KBTBD8: variants seen among roughly 807,000 people sequenced by gnomAD.
The protein encoded by KBTBD8 is kelch repeat and BTB domain-containing protein 8.
A neutral mutation model predicts 53.5 loss-of-function variants in KBTBD8; 31 were observed. The ratio of observed to expected loss-of-function variants is 0.58; its 90% confidence interval spans 0.44 to 0.78. KBTBD8 has a LOEUF of 0.78. Ranked by LOEUF, KBTBD8 falls within the 30% of genes least tolerant of loss-of-function variation. KBTBD8 has a pLI of 0.00. For synonymous variants in KBTBD8, 250 were observed against 247.3 expected (o/e 1.01, Z -0.10); for missense variants, 642 against 735.8 (o/e 0.87, Z 1.48).
rs984356759 is a variant in KBTBD8 at position 66,998,964 on chromosome 3, G to A, written c.17-17G>A. 2 of 1,566,714 alleles carry A rather than the reference G, an allele frequency of 1.3e-6. No homozygotes were observed. The highest frequency in any genetic ancestry group is 1.7e-6 in the Non-Finnish European group (2 of 1,152,948). On this transcript the variant is annotated splice_polypyrimidine_tract_variant and intron_variant, in intron 1 of 3. Coordinates refer to ENST00000417314, the MANE Select transcript of KBTBD8 (RefSeq NM_032505.3). ...GGCTCGGCACTTCTTGTAGTTGTAC[G>A]ATTTTTCTCCTCCTAGATTTAAGTA...
rs1311207317 is a variant in KBTBD8, at chr3:67,008,383, T to C, written c.1804T>C (p.Ter602GlnextTer6). 3.0e-5 allele frequency: 48 copies of C among 1,595,956 alleles called. No homozygotes were observed. Among genetic ancestry groups the C allele is most frequent in the Non-Finnish European group, 4.1e-5 (48 of 1,166,376 alleles). The change falls in exon 4 of 4, where the codon TAA becomes CAA. Residue 602 changes from the stop codon to glutamine, a stop_lost. Transcript: ENST00000417314. ...TCCTCAGTGTCTTCAGAAAGTACTC[T>C]AAATGAGTAGCAGGCCTTAGTGCAT... ...LYPQCLQKVL[*>Q] is the part of the protein sequence containing the mutation.
At chr3:67,000,865 C>A (rs935329895) in intron 2 of KBTBD8, among the ~76,000 whole-genome samples, 3 of 151,590 alleles carry the variant, frequency 2.0e-5, no homozygotes, top group Non-Finnish European at 4.4e-5. Flanking sequence ...AGTAAGCATA[C>A]ATAATAAATA....
chr3:67,001,433 T>C (rs1004011501), intron 2 of KBTBD8, among the ~76,000 whole-genome samples: 6 of 152,180 alleles, frequency 3.9e-5, no homozygotes, highest in African/African-American at 1.4e-4. Flanking sequence ...CCTGGCTTCA[T>C]TTATGTTGAG....
Position 67,004,057 on chromosome 3 carries a change from G to C in KBTBD8, c.1090G>C (p.Asp364His), listed in dbSNP as rs1350174861. 3 of 1,614,040 alleles carry C rather than the reference G, an allele frequency of 1.9e-6. No individual in the cohort carries two copies. Among genetic ancestry groups the C allele is most frequent in the Non-Finnish European group, 2.5e-6 (3 of 1,180,042 alleles). The change falls in exon 3 of 4, where the codon GAT (aspartate) becomes CAT (histidine). Residue 364 changes from aspartate to histidine, a missense_variant. Coordinates refer to ENST00000417314, the MANE Select transcript of KBTBD8 (RefSeq NM_032505.3). The stretch of plus-strand genomic sequence containing the variant: ...GGCAGAAAATGATTTCTGGATGTAT[G>C]ATCATTCCACCAATAGATGGCTATC... Reference protein sequence around the residue: ...HKAENDFWMYDHSTNRWLSKP... With the variant: ...HKAENDFWMYHHSTNRWLSKP...
intron 2 of KBTBD8, among the ~76,000 whole-genome samples, chr3:67,000,818 G>A (rs1702010435): frequency 6.6e-6 from 1 of 151,856 alleles, no homozygotes; most frequent in Non-Finnish European, 1.5e-5. Context: ...TCATACTTAT[G>A]TATGCTTACT....
In KBTBD8 at chr3:67,000,296, GA is replaced by G. The variant is rs973777125; in HGVS notation, c.227+1114del. Among the ~76,000 whole-genome samples the G allele has an allele frequency of 4.6e-5, 7 of 151,048 alleles. No individual in the cohort carries two copies. The East Asian group carries it at 7.7e-4, about 17-fold the overall frequency. ...TCATCGCAAGACAGTGAGCTGGAAA[GA>G]AAAAAAAACTCACATATGCAGAAGG... On this transcript the variant is annotated intron_variant, in intron 2 of 3. Transcript: ENST00000417314.
intron 2 of KBTBD8, among the ~76,000 whole-genome samples, chr3:66,999,601 C>T (rs1038116765): frequency 3.9e-5 from 6 of 152,218 alleles, no homozygotes; most frequent in Non-Finnish European, 8.8e-5. Flanking sequence ...CCATATTGGG[C>T]AGCACAGAAA....
rs1350080664 is a variant in KBTBD8 at position 67,003,336 on chromosome 3, G to A, written c.369G>A (p.Leu123=). The change falls in exon 3 of 4, where the codon TTG becomes TTA. Residue 123 remains leucine (L), a synonymous_variant. Transcript: ENST00000417314. ...TTACAGAGGCCAATGTTCAAGCCTTGTTCACTGCAGCTAGCATCTTCCAGA... is the reference window on the plus strand; with the variant it reads ...TTACAGAGGCCAATGTTCAAGCCTTATTCACTGCAGCTAGCATCTTCCAGA... ...VILTEANVQA[L]FTAASIFQIP... 1.2e-6 allele frequency: 2 copies of A among 1,614,188 alleles called. No individual in the cohort carries two copies. Among genetic ancestry groups the A allele is most frequent in the Admixed American group, 1.7e-5 (1 of 60,020 alleles).
Position 67,010,387 on chromosome 3 carries a change from A to C in KBTBD8, c.*2002A>C, listed in dbSNP as rs1702107031. ...AAAATGTATTACTTGAAAACATGAC[A>C]TAGAACATTGAGTTAGCAATTTACA... On this transcript the variant is annotated 3_prime_UTR_variant, in exon 4 of 4. Transcript: ENST00000417314. 6.6e-6 allele frequency: 1 copy of C among 152,614 alleles called. No individual in the cohort carries two copies. Among genetic ancestry groups the C allele is most frequent in the African/African-American group, 2.4e-5 (1 of 41,464 alleles). The allele number at this position is 152,614 out of a possible 1,614,324, so 9.5% of individuals were successfully genotyped here. A position where few individuals can be genotyped will look rare whatever the true frequency, so the allele number is the denominator to read the frequency against.
intron 3 of KBTBD8, among the ~76,000 whole-genome samples, chr3:67,005,595 A>G (rs1287592894): frequency 2.0e-5 from 3 of 152,060 alleles, no homozygotes; most frequent in Non-Finnish European, 4.4e-5. Context: ...TAATTGATGC[A>G]TGACTGCCCT....
At chr3:67,001,944 G>A (rs1484959484) in intron 2 of KBTBD8, among the ~76,000 whole-genome samples, 1 of 152,128 alleles carries the variant, frequency 6.6e-6, no homozygotes, top group African/African-American at 2.4e-5. Flanking sequence ...AAACTTTAAA[G>A]GAGCGAAAAG....
In KBTBD8 at chr3:66,998,333, T is replaced by C. The variant is rs1280907414; in HGVS notation, c.-23T>C. ...AAATGACATTTCCTTTTTAAATAGC[T>C]GGAGTCGGGGCCCCATCGAGAAATG... On this transcript the variant is annotated 5_prime_UTR_variant, in exon 1 of 4. Transcript: ENST00000417314. 1.5e-6 allele frequency: 2 copies of C among 1,290,398 alleles called. No homozygotes were observed. The highest frequency in any genetic ancestry group is 2.0e-6 in the Non-Finnish European group (2 of 1,011,682). The allele number at this position is 1,290,398 out of a possible 1,614,324, so 79.9% of individuals were successfully genotyped here. A position where few individuals can be genotyped will look rare whatever the true frequency, so the allele number is the denominator to read the frequency against.
rs746510940 is a variant in KBTBD8, at chr3:67,004,290, G to C, written c.1323G>C (p.Glu441Asp). 1.2e-6 allele frequency: 2 copies of C among 1,613,754 alleles called. No homozygotes were observed. Among genetic ancestry groups the C allele is most frequent in the South Asian group, 2.2e-5 (2 of 91,090 alleles). ...TTCATAATGCTGTGGAGTACAAAGA[G>C]AAGATCTATGTTTTACAGGGTAGGT... ...MEFHNAVEYK[E>D]KIYVLQGEFF... Residue 441 changes from glutamate to aspartate, a missense_variant, in exon 3 of 4, where the codon GAG (glutamate) becomes GAC (aspartate). Glu to Asp is a conservative substitution (Grantham distance 45). Coordinates refer to ENST00000417314, the MANE Select transcript of KBTBD8 (RefSeq NM_032505.3).
chr3:67,000,948 A>C (rs1051649691), intron 2 of KBTBD8, among the ~76,000 whole-genome samples: 1 of 152,054 alleles, frequency 6.6e-6, no homozygotes, highest in African/African-American at 2.4e-5. Flanking sequence ...GTAACTTTAC[A>C]TAAGTATGAC....
chr3:67,003,293 A>G lies in KBTBD8; in HGVS notation c.326A>G (p.Tyr109Cys), dbSNP rs754047742. The change falls in exon 3 of 4, where the codon TAC becomes TGC. Residue 109 changes from tyrosine to cysteine, a missense_variant. Tyr to Cys is a radical substitution (Grantham distance 194, BLOSUM62 -2). Coordinates refer to ENST00000417314, the MANE Select transcript of KBTBD8 (RefSeq NM_032505.3). ...ATGGATTTAGTGTTGAACTATGCCT[A>G]CACTTCCAGAGTTATTCTTACAGAG... Reference protein sequence around the residue: ...ESMDLVLNYAYTSRVILTEAN... With the variant: ...ESMDLVLNYACTSRVILTEAN... 5 of 1,614,184 alleles carry G rather than the reference A, an allele frequency of 3.1e-6. No homozygotes were observed. Among genetic ancestry groups the G allele is most frequent in the Non-Finnish European group, 2.5e-6 (3 of 1,180,010 alleles).
intron 3 of KBTBD8, among the ~76,000 whole-genome samples, chr3:67,006,104 T>C (rs1364384119): frequency 1.3e-5 from 2 of 152,202 alleles, no homozygotes; most frequent in African/African-American, 4.8e-5. Flanking sequence ...TTTGCTGTCT[T>C]GTGGAAAAAT....
rs1351842730 is a variant in KBTBD8 at position 67,009,091 on chromosome 3, C to T, written c.*706C>T. On this transcript the variant is annotated 3_prime_UTR_variant, in exon 4 of 4. Coordinates refer to ENST00000417314, the MANE Select transcript of KBTBD8 (RefSeq NM_032505.3). ...GAAAATCTGGAAAAGTGCTCATATT[C>T]ACAGGTGGCTGGTGCTAGTCTAACT... 1 of 152,616 alleles carries T rather than the reference C, an allele frequency of 6.6e-6. No homozygotes were observed. Among genetic ancestry groups the T allele is most frequent in the Non-Finnish European group, 1.5e-5 (1 of 68,032 alleles). 9.5% of individuals were successfully genotyped at this position (152,616 alleles called of 1,614,324 possible). A position where few individuals can be genotyped will look rare whatever the true frequency, so the allele number is the denominator to read the frequency against.
At chr3:67,002,724 C>T (rs1432206781) in intron 2 of KBTBD8, among the ~76,000 whole-genome samples, 4 of 152,018 alleles carry the variant, frequency 2.6e-5, no homozygotes, top group East Asian at 1.9e-4. Flanking sequence ...AGATTTTGAA[C>T]TCCTGACCTT....
chr3:67,003,964 C>T lies in KBTBD8; in HGVS notation c.997C>T (p.Pro333Ser), dbSNP rs1316978887. 1.2e-6 allele frequency: 2 copies of T among 1,614,080 alleles called. No individual in the cohort carries two copies. Among genetic ancestry groups the T allele is most frequent in the South Asian group, 2.2e-5 (2 of 91,084 alleles). Residue 333 changes from proline to serine, a missense_variant, in exon 3 of 4, where the codon CCA becomes TCA. Coordinates refer to ENST00000417314, the MANE Select transcript of KBTBD8 (RefSeq NM_032505.3). Reference sequence around the variant, plus strand: ...GAGAGAAGTTGGGATTCTTGTATCACCAGATAATGACATTTACATTGCAGG... The same window carrying T: ...GAGAGAAGTTGGGATTCTTGTATCATCAGATAATGACATTTACATTGCAGG... ...DLREVGILVS[P>S]DNDIYIAGGY...
Sources: gnomAD v4.1 joint callset for allele counts (sites outside exome capture counted in the v4.1 genomes callset) on GRCh38, gnomAD v4.1.1 for gene constraint, MANE v1.5 for transcripts, NCBI Gene and HGNC (gene_info 2026-07-23, HGNC 2026-07-21) for gene names.